ARL15: variants seen among roughly 807,000 people sequenced by gnomAD.
ARL15 encodes the protein ARF like GTPase 15.
In ARL15, 19 loss-of-function variants were observed where a neutral mutation model predicts 25.2. That is an observed-to-expected ratio of 0.75 (90% CI 0.53 to 1.10). The LOEUF (loss-of-function observed/expected upper bound fraction) is 1.10. Ranked by LOEUF, ARL15 falls within the 50% of genes least tolerant of loss-of-function variation. ARL15 has a pLI of 0.00. For synonymous variants in ARL15, 94 were observed against 86.8 expected, an observed-to-expected ratio of 1.08 and a Z score of -0.46; for missense variants, 220 against 246.0, an observed-to-expected ratio of 0.89 and a Z score of 0.71.
intron 1 of ARL15, among the ~76,000 whole-genome samples, chr5:54,246,319 C>T (rs1384562785): frequency 6.6e-6 from 1 of 152,062 alleles, no homozygotes; most frequent in South Asian, 2.1e-4. Flanking sequence ...ACGATCCCTC[C>T]GACAACTTGC....
At chr5:54,161,211 G>C (rs530238958) in intron 2 of ARL15, among the ~76,000 whole-genome samples, 37 of 152,028 alleles carry the variant, frequency 2.4e-4, no homozygotes, top group Non-Finnish European at 4.6e-4. Context: ...TAAAGTTTTA[G>C]TTGCAATACA....
chr5:54,091,872 C>T (rs1005858007), intron 4 of ARL15, among the ~76,000 whole-genome samples: 1 of 152,096 alleles, frequency 6.6e-6, no homozygotes, highest in African/African-American at 2.4e-5. Flanking sequence ...TGGGGTATAC[C>T]ATAGAGGGCG....
At chr5:54,228,776 T>C (rs1756592764) in intron 1 of ARL15, among the ~76,000 whole-genome samples, 1 of 152,202 alleles carries the variant, frequency 6.6e-6, no homozygotes, top group African/African-American at 2.4e-5. Flanking sequence ...GCTAGTCTCA[T>C]GGATCTCATG....
intron 2 of ARL15, among the ~76,000 whole-genome samples, chr5:54,171,015 C>T (rs929548353): frequency 2.0e-5 from 3 of 152,178 alleles, no homozygotes; most frequent in Admixed American, 1.3e-4. Context: ...TCCTCTTATA[C>T]TCTTCTTTCC....
At chr5:54,015,610 T>A (rs1322652742) in intron 4 of ARL15, among the ~76,000 whole-genome samples, 1 of 152,226 alleles carries the variant, frequency 6.6e-6, no homozygotes, top group African/African-American at 2.4e-5. Flanking sequence ...ACTATTGACA[T>A]GGCAAACATT....
chr5:54,175,808 A>G (rs277338), intron 1 of ARL15, among the ~76,000 whole-genome samples: 140,172 of 151,664 alleles, frequency 0.92, 64,879 homozygotes, highest in East Asian at 0.99. Flanking sequence ...GTGCACCACC[A>G]CACCCAGCTA....
At chr5:54,110,683 A>G (rs1752714551) in intron 4 of ARL15, among the ~76,000 whole-genome samples, 1 of 152,060 alleles carries the variant, frequency 6.6e-6, no homozygotes, top group South Asian at 2.1e-4. Context: ...GATGTGCAAC[A>G]CCTTTAGGAA....
chr5:54,054,955 A>G (rs1360479901), intron 4 of ARL15, among the ~76,000 whole-genome samples: 1 of 152,122 alleles, frequency 6.6e-6, no homozygotes, highest in Non-Finnish European at 1.5e-5. Flanking sequence ...ACTCTTGGAC[A>G]CCCACTTAGC....
intron 1 of ARL15, among the ~76,000 whole-genome samples, chr5:54,195,700 T>C (rs967642373): frequency 1.3e-5 from 2 of 152,186 alleles, no homozygotes; most frequent in African/African-American, 2.4e-5. Context: ...CTTCAACTTT[T>C]CTATGCATAT....
At chr5:54,244,529 A>G (rs1008340395) in intron 1 of ARL15, among the ~76,000 whole-genome samples, 1 of 152,238 alleles carries the variant, frequency 6.6e-6, no homozygotes, top group Non-Finnish European at 1.5e-5. Context: ...CGGGAAAAAA[A>G]GGTGAAATCA....
chr5:54,025,104 T>A (rs1309705117), intron 4 of ARL15, among the ~76,000 whole-genome samples: 1 of 152,136 alleles, frequency 6.6e-6, no homozygotes, highest in African/African-American at 2.4e-5. Context: ...GCAGATTTGA[T>A]ATCTACAGAA....
intron 3 of ARL15, among the ~76,000 whole-genome samples, chr5:54,140,417 CAGATAGATAGATAGATAGATAGAT>C (rs57386310): frequency 2.8e-5 from 4 of 145,264 alleles, no homozygotes; most frequent in African/African-American, 7.7e-5. Context: ...TGTGGATAGA[CAGATAGATAGATAGATAGATAGAT>C]AGATAGATAG....
intron 4 of ARL15, among the ~76,000 whole-genome samples, chr5:54,057,679 A>C (rs918587929): frequency 3.3e-5 from 5 of 152,036 alleles, no homozygotes; most frequent in African/African-American, 1.2e-4. Flanking sequence ...TAGTCTCTAC[A>C]AAAAAATATT....
At chr5:54,290,494 G>A (rs1234728376) in intron 1 of ARL15, among the ~76,000 whole-genome samples, 1 of 151,986 alleles carries the variant, frequency 6.6e-6, no homozygotes, top group Non-Finnish European at 1.5e-5. Context: ...TTTTAGTAGA[G>A]ACGGGGTTTC....
intron 1 of ARL15, among the ~76,000 whole-genome samples, chr5:54,175,576 C>T (rs1037103906): frequency 6.6e-6 from 1 of 152,018 alleles, no homozygotes; most frequent in African/African-American, 2.4e-5. Flanking sequence ...TTCAGGTGAT[C>T]CACTCACCTC....
intron 4 of ARL15, among the ~76,000 whole-genome samples, chr5:54,043,291 G>A (rs749916868): frequency 1.3e-5 from 2 of 151,972 alleles, no homozygotes; most frequent in Admixed American, 1.3e-4. Flanking sequence ...AGAGCTAGGG[G>A]TATGCCTTAT....
intron 1 of ARL15, among the ~76,000 whole-genome samples, chr5:54,266,976 G>C (rs773078993): frequency 2.7e-4 from 41 of 152,176 alleles, no homozygotes; most frequent in Non-Finnish European, 8.8e-5. Context: ...CCCTGTATCT[G>C]TGTTCAAAGA....
At chr5:53,981,242 GATAAA>G (rs1351133578) in intron 4 of ARL15, among the ~76,000 whole-genome samples, 2 of 152,036 alleles carry the variant, frequency 1.3e-5, no homozygotes, top group African/African-American at 4.8e-5. Flanking sequence ...AGTGAAAAAT[GATAAA>G]ATAAATATTA....
intron 4 of ARL15, among the ~76,000 whole-genome samples, chr5:54,069,096 T>G (rs1314789014): frequency 6.6e-6 from 1 of 152,188 alleles, no homozygotes; most frequent in East Asian, 1.9e-4. Context: ...GAAAATATAT[T>G]TTTTTAAATA....
Sources: gnomAD v4.1 joint callset for allele counts (sites outside exome capture counted in the v4.1 genomes callset) on GRCh38, gnomAD v4.1.1 for gene constraint, MANE v1.5 for transcripts, NCBI Gene and HGNC (gene_info 2026-07-23, HGNC 2026-07-21) for gene names.